The following ZNF112 variants were observed in gnomAD, a reference collection of about 807,000 sequenced individuals.
The protein encoded by ZNF112 is zinc finger protein 112.
Under a neutral mutation model 77.7 loss-of-function variants are expected in ZNF112, and 37 were observed. The ratio of observed to expected loss-of-function variants is 0.48; its 90% CI spans 0.37 to 0.63. The LOEUF (loss-of-function observed/expected upper bound fraction) is 0.63, where lower values mean the gene tolerates loss of function less well. Ranked by LOEUF, ZNF112 falls within the 20% of genes least tolerant of loss-of-function variation. The probability of loss-of-function intolerance (pLI) is 0.00; values close to 1 mark genes in which losing one functional copy is unlikely to be tolerated. For missense variants in ZNF112, 950 were observed against 1,077.4 expected, an observed-to-expected ratio of 0.88 and a Z score of 1.66; for synonymous variants, 333 against 363.6, an observed-to-expected ratio of 0.92 and a Z score of 0.96.
chr19:44,336,321 G>A (rs565151393), intron 3 of ZNF112, among the ~76,000 whole-genome samples: 2 of 152,184 alleles, frequency 1.3e-5, no homozygotes, highest in Non-Finnish European at 2.9e-5. Flanking sequence ...CATTCAGAGA[G>A]AAAAGCAAGT....
Position 44,336,723 on chromosome 19 carries a change from A to G in ZNF112, c.125-5T>C, listed in dbSNP as rs1322377637. Reference sequence around the variant, plus strand: ...CTGGCTTGAAGGGCTGATGTGCTGTAAAGAAGGAAAGGACAGCAAAAGTTT... The same window carrying G: ...CTGGCTTGAAGGGCTGATGTGCTGTGAAGAAGGAAAGGACAGCAAAAGTTT... On this transcript the variant is annotated splice_polypyrimidine_tract_variant and splice_region_variant and intron_variant, in intron 2 of 3. Coordinates refer to ENST00000354340, the MANE Select transcript of ZNF112 (RefSeq NM_013380.4). 1.2e-6 allele frequency: 2 copies of G among 1,613,478 alleles called. No homozygotes were observed. Among genetic ancestry groups the G allele is most frequent in the Non-Finnish European group, 1.7e-6 (2 of 1,179,466 alleles).
At position 44,329,473 on chromosome 19, in the gene ZNF112, A is replaced by T; in HGVS notation, c.684T>A (p.His228Gln). ...EVHRKENYSC[H>Q]DCGEDIMKVS... ...CCTTCATGATATCTTCTCCACAGTC[A>T]TGGCAGCTGTAGTTTTCTTTTCTGT... is the stretch of plus-strand genomic sequence containing the variant. Residue 228 changes from histidine (H) to glutamine (Q), a missense_variant, in exon 4 of 4, where the codon CAT becomes CAA. By Grantham distance (24) the His-to-Gln change is conservative. This residue lies in a region of ZNF112 where 560 missense variants were observed against 557.3 expected (regional missense o/e 1.00). Transcript: ENST00000354340. 6.2e-7 allele frequency: 1 copy of T among 1,614,116 alleles called. No individual in the cohort carries two copies. Among genetic ancestry groups the T allele is most frequent in the Non-Finnish European group, 8.5e-7 (1 of 1,180,018 alleles).
chr19:44,360,020 G>A (rs1203600316), upstream of ZNF112, among the ~76,000 whole-genome samples: 1 of 151,878 alleles, frequency 6.6e-6, no homozygotes, highest in Non-Finnish European at 1.5e-5. Flanking sequence ...ACTTTGTGGG[G>A]CTAAGGCAAG....
intron 1 of ZNF112, among the ~76,000 whole-genome samples, chr19:44,365,880 C>T (rs541088055): frequency 6.6e-6 from 1 of 152,262 alleles, no homozygotes; most frequent in South Asian, 2.1e-4. Context: ...CTATCCTCTC[C>T]AGGACCCAGC....
At chr19:44,365,676 T>G (rs1039628556) in intron 1 of ZNF112, among the ~76,000 whole-genome samples, 9 of 152,294 alleles carry the variant, frequency 5.9e-5, no homozygotes, top group Admixed American at 3.9e-4. Context: ...CCTTTTAATA[T>G]CTGCAAAATC....
At chr19:44,360,385 G>GAA (rs139513698), upstream of ZNF112, among the ~76,000 whole-genome samples, 6 of 151,176 alleles carry the variant, frequency 4.0e-5, no homozygotes, top group Non-Finnish European at 5.9e-5. Flanking sequence ...AGGTATCAGA[G>GAA]AAAAAAAAAG....
At chr19:44,346,390 T>C (rs147168623) in intron 1 of ZNF112, among the ~76,000 whole-genome samples, 22 of 152,362 alleles carry the variant, frequency 1.4e-4, no homozygotes, top group African/African-American at 4.6e-4. Flanking sequence ...ATCTGATCAA[T>C]GTTAGCCATT....
intron 1 of ZNF112, 129 bp from the exon 2 acceptor site, chr19:44,340,671 C>T: frequency 7.6e-7 from 1 of 1,320,668 alleles, no homozygotes; most frequent in Non-Finnish European, 1.1e-6. Context: ...TTCTGTTTAC[C>T]TTCTGTAATG....
intron 1 of ZNF112, chr19:44,367,035 A>C (rs1970911376): frequency 2.2e-6 from 1 of 455,198 alleles, no homozygotes; most frequent in Non-Finnish European, 4.4e-6. Flanking sequence ...AGAGATCCTC[A>C]ACCCGCCAAG....
chr19:44,336,675 T>A lies in ZNF112; in HGVS notation c.168A>T (p.Arg56Ser). ...FKPDLISQLE[R>S]EEKLLMVETE... is the part of the protein sequence containing the mutation. ...TCTCCACCATCAAAAGCTTTTCTTC[T>A]CTCTCCAGCTGGGATATTAGGTCTG... The change falls in exon 3 of 4, where the codon AGA becomes AGT. Residue 56 changes from arginine to serine, a missense_variant. Physicochemically the swap from Arg to Ser is moderately radical, Grantham distance 110. Around this residue, in one of 3 missense-constraint regions of ZNF112, gnomAD observed 560 missense variants for 557.3 expected, o/e 1.00. Transcript: ENST00000354340. 6.2e-7 allele frequency: 1 copy of A among 1,613,984 alleles called. No homozygotes were observed. The highest frequency in any genetic ancestry group is 8.5e-7 in the Non-Finnish European group (1 of 1,179,958).
intron 1 of ZNF112, among the ~76,000 whole-genome samples, chr19:44,349,326 A>G (rs988447311): frequency 6.6e-6 from 1 of 151,994 alleles, no homozygotes; most frequent in Non-Finnish European, 1.5e-5. Context: ...CAACATTTTA[A>G]TTTTTGTATT....
chr19:44,367,108 T>C, exon 1 of ZNF112: 1 of 456,172 alleles, frequency 2.2e-6, no homozygotes, highest in Non-Finnish European at 4.4e-6. Context: ...CTTCCACTGC[T>C]AGCCGCGGAT....
upstream of ZNF112, among the ~76,000 whole-genome samples, chr19:44,360,592 C>G (rs1481899264): frequency 1.3e-5 from 2 of 152,146 alleles, no homozygotes; most frequent in African/African-American, 2.4e-5. Flanking sequence ...TGCAATCTTG[C>G]CAACTAATCT....
chr19:44,340,364 C>T (rs376380155), intron 2 of ZNF112, 52 bp downstream of exon 2: 8 of 1,588,102 alleles, frequency 5.0e-6, no homozygotes, highest in African/African-American at 2.7e-5. Context: ...ATTGAGCACA[C>T]AAAGACACCC....
chr19:44,327,286 CCT>C lies in ZNF112; in HGVS notation c.*145_*146del. On this transcript the variant is annotated 3_prime_UTR_variant, in exon 4 of 4. Transcript: ENST00000354340. ...TTCTAACAAAATCCCTCGTGAAACC[CCT>C]CTCATTAAATGTCTCTGTTGTGTGG... 1.6e-6 allele frequency: 1 copy of C among 626,738 alleles called. No individual in the cohort carries two copies. Among genetic ancestry groups the C allele is most frequent in the South Asian group, 2.5e-5 (1 of 40,634 alleles). 38.8% of individuals were successfully genotyped at this position (626,738 alleles called of 1,614,324 possible).
At position 44,328,788 on chromosome 19, in the gene ZNF112, T is replaced by C. The variant is rs386352382; in HGVS notation, c.1369A>G (p.Ile457Val). The change falls in exon 4 of 4, where the codon ATA becomes GTA. Residue 457 changes from isoleucine (I) to valine (V), a missense_variant. Around this residue, in one of 3 missense-constraint regions of ZNF112, gnomAD observed 560 missense variants for 557.3 expected, o/e 1.00. Transcript: ENST00000354340. ...TATGGTTGTTCCTTAGTGTGGACTA[T>C]CTGAAGGTCCTGAAAATGTGAGGCC... ...SLASHFQDLQ[I>V]VHTKEQPYKR... 2 of 1,614,118 alleles carry C rather than the reference T, an allele frequency of 1.2e-6. No homozygotes were observed. The highest frequency in any genetic ancestry group is 1.7e-6 in the Non-Finnish European group (2 of 1,179,992).
intron 3 of ZNF112, among the ~76,000 whole-genome samples, chr19:44,332,210 G>A (rs551193702): frequency 1.3e-5 from 2 of 151,986 alleles, no homozygotes; most frequent in African/African-American, 2.4e-5. Context: ...AACCCAAAAT[G>A]GTGTAATTTT....
chr19:44,347,095 A>G (rs757080033), intron 1 of ZNF112, among the ~76,000 whole-genome samples: 2 of 151,858 alleles, frequency 1.3e-5, no homozygotes, highest in African/African-American at 2.4e-5. Flanking sequence ...TTCTTCATGT[A>G]ACTGTTGTTT....
At chr19:44,330,255 A>C (rs1044811540) in intron 3 of ZNF112, among the ~76,000 whole-genome samples, 1 of 152,202 alleles carries the variant, frequency 6.6e-6, no homozygotes, top group Non-Finnish European at 1.5e-5. Flanking sequence ...GTATAATGCA[A>C]ATACTCTAAA....
Sources: gnomAD v4.1 joint callset for allele counts (sites outside exome capture counted in the v4.1 genomes callset) on GRCh38, gnomAD v4.1.1 for gene constraint, gnomAD v4.1.1 regional missense constraint, MANE v1.5 for transcripts, NCBI Gene and HGNC (gene_info 2026-07-23, HGNC 2026-07-21) for gene names.